The following FBXO22 variants were observed in gnomAD, a reference collection of about 807,000 sequenced individuals.
FBXO22 encodes F-box protein 22.
A neutral mutation model predicts 37.2 loss-of-function variants in FBXO22; 13 were observed. That is an observed-to-expected ratio of 0.35 (90% CI 0.23 to 0.56). The LOEUF is 0.56. Ranked by LOEUF, FBXO22 falls within the 20% of genes least tolerant of loss-of-function variation. The probability of loss-of-function intolerance (pLI) is 0.87; values close to 1 mark genes in which losing one functional copy is unlikely to be tolerated. For missense variants in FBXO22, 446 were observed against 509.9 expected (o/e 0.87, Z 1.21); for synonymous variants, 189 against 189.1 (o/e 1.00, Z 0.00).
Position 75,930,177 on chromosome 15 carries a change from G to A in FBXO22, c.794+128G>A, listed in dbSNP as rs568642581. 1.7e-3 allele frequency: 2,623 copies of A among 1,517,382 alleles called. 65 individuals carry two copies. The South Asian group carries it at 0.032, about 18-fold the overall frequency. The allele number at this position is 1,517,382 out of a possible 1,614,324, so 94.0% of individuals were successfully genotyped here. On this transcript the variant is annotated intron_variant, in intron 6 of 6. Coordinates refer to ENST00000308275, the MANE Select transcript of FBXO22 (RefSeq NM_147188.3). ...TTAAGATAATAGTTCATTCCATTTT[G>A]TAGTAGACATTGGCTAAGGGGCTTA...
At chr15:75,929,857 T>C (rs370309625) in intron 5 of FBXO22, 27 bp from the exon 6 acceptor site, 1 of 1,613,258 alleles carries the variant, frequency 6.2e-7, no homozygotes, top group Admixed American at 1.7e-5. Context: ...AGGCTGTCTT[T>C]AACTGTTGCT....
chr15:75,929,790 G>A lies in FBXO22; in HGVS notation c.629-94G>A. On this transcript the variant is annotated intron_variant, in intron 5 of 6. Coordinates refer to ENST00000308275, the MANE Select transcript of FBXO22 (RefSeq NM_147188.3). Reference sequence around the variant, plus strand: ...TAAGCCACTAAATTGCCCTTAAGGTGGAGTGCAAGTCAGTAACATTTCATT... The same window carrying A: ...TAAGCCACTAAATTGCCCTTAAGGTAGAGTGCAAGTCAGTAACATTTCATT... 4 of 1,452,608 alleles carry A rather than the reference G, an allele frequency of 2.8e-6. No homozygotes were observed. In the South Asian group the frequency reaches 4.9e-5, roughly 18 times the overall value. The allele number at this position is 1,452,608 out of a possible 1,614,324, so 90.0% of individuals were successfully genotyped here. A position where few individuals can be genotyped will look rare whatever the true frequency, so the allele number is the denominator to read the frequency against.
At chr15:75,904,948 C>A (rs1010401390) in intron 2 of FBXO22, among the ~76,000 whole-genome samples, 9 of 152,046 alleles carry the variant, frequency 5.9e-5, no homozygotes, top group African/African-American at 2.2e-4. Context: ...CTCAGCCTCC[C>A]GAGTAGCTGG....
At chr15:75,914,812 A>G (rs1278269109) in intron 4 of FBXO22, among the ~76,000 whole-genome samples, 2 of 152,186 alleles carry the variant, frequency 1.3e-5, no homozygotes, top group Non-Finnish European at 2.9e-5. Context: ...ACTTTGAGCA[A>G]GTTACCTAAC....
chr15:75,915,145 A>G (rs1900154429), intron 4 of FBXO22, among the ~76,000 whole-genome samples: 1 of 151,712 alleles, frequency 6.6e-6, no homozygotes, highest in Non-Finnish European at 1.5e-5. Context: ...TAATTTTTGT[A>G]TTTTTAGTAG....
In FBXO22 at chr15:75,917,174, G is replaced by A. The variant is rs76581427; in HGVS notation, c.464-56G>A. ...AATGATTATCTTAGTGACCTAAACT[G>A]TAGTTATCTAGTTTTTACTGACTCT... On this transcript the variant is annotated intron_variant, in intron 4 of 6. Transcript: ENST00000308275. 4.4e-3 allele frequency: 5,592 copies of A among 1,282,378 alleles called. 172 individuals carry two copies. In the African/African-American group the frequency reaches 0.067, roughly 15 times the overall value. The allele number at this position is 1,282,378 out of a possible 1,614,324, so 79.4% of individuals were successfully genotyped here.
intron 6 of FBXO22, chr15:75,930,850 G>C (rs2029983964): frequency 6.1e-6 from 6 of 984,942 alleles, no homozygotes; most frequent in Non-Finnish European, 7.2e-6. Flanking sequence ...GGTGACATGG[G>C]GACAGACTGT....
intron 5 of FBXO22, among the ~76,000 whole-genome samples, chr15:75,925,505 A>G (rs990125526): frequency 6.6e-6 from 1 of 152,112 alleles, no homozygotes; most frequent in African/African-American, 2.4e-5. Context: ...AGTGTGAAGA[A>G]GAACAAAGTT....
intron 4 of FBXO22, 134 bp from the exon 5 acceptor site, chr15:75,917,096 C>A (rs1338381414): frequency 2.6e-5 from 17 of 649,362 alleles, no homozygotes; most frequent in Admixed American, 9.6e-5. Flanking sequence ...GACACTACAC[C>A]CTAAAACTGT....
chr15:75,929,735 A>G, intron 5 of FBXO22, 149 bp from the exon 6 acceptor site: 2 of 756,268 alleles, frequency 2.6e-6, no homozygotes, highest in Non-Finnish European at 2.1e-6. Context: ...AAAATAAGAT[A>G]AAAAATAAAA....
intron 6 of FBXO22, chr15:75,930,853 C>T (rs547994526): frequency 2.0e-6 from 2 of 984,044 alleles, no homozygotes; most frequent in East Asian, 1.1e-4. Context: ...GACATGGGGA[C>T]AGACTGTTGC....
intron 1 of FBXO22, 81 bp from the exon 2 acceptor site, chr15:75,904,410 C>G: frequency 3.1e-6 from 5 of 1,590,858 alleles, no homozygotes; most frequent in Non-Finnish European, 4.3e-6. Flanking sequence ...TGCTGCTGCG[C>G]CAGCGGGTGG....
chr15:75,910,380 A>G (rs564476087), intron 2 of FBXO22: 1 of 152,170 alleles, frequency 6.6e-6, no homozygotes, highest in African/African-American at 2.4e-5. Flanking sequence ...TTGCACTCCT[A>G]CAAACAGTGT....
chr15:75,925,421 A>C (rs980683004), intron 5 of FBXO22, among the ~76,000 whole-genome samples: 6 of 150,320 alleles, frequency 4.0e-5, no homozygotes, highest in African/African-American at 1.5e-4. Context: ...TGAACCTTTA[A>C]CTACTTGTCT....
intron 6 of FBXO22, chr15:75,930,967 G>A: frequency 1.7e-6 from 1 of 597,028 alleles, no homozygotes; most frequent in Non-Finnish European, 2.1e-6. Flanking sequence ...TGAGGTCCCT[G>A]GACTGCCAGG....
In FBXO22 at chr15:75,939,870, G is replaced by A. The variant is rs1195656271; in HGVS notation, c.*6768G>A. The A allele has an allele frequency of 1.3e-5, 2 of 152,000 alleles. No homozygotes were observed. The highest frequency in any genetic ancestry group is 2.9e-5 in the Non-Finnish European group (2 of 67,968). 9.4% of individuals were successfully genotyped at this position (152,000 alleles called of 1,614,324 possible). A position where few individuals can be genotyped will look rare whatever the true frequency, so the allele number is the denominator to read the frequency against. Reference sequence around the variant, plus strand: ...AACACTCAACAAATGAGGGATAAGAGGAAACTACCTGAACATAATAAAAGC... The same window carrying A: ...AACACTCAACAAATGAGGGATAAGAAGAAACTACCTGAACATAATAAAAGC... On this transcript the variant is annotated 3_prime_UTR_variant, in exon 7 of 7. Coordinates refer to ENST00000308275, the MANE Select transcript of FBXO22 (RefSeq NM_147188.3).
At chr15:75,923,729 A>G (rs1352873889) in intron 5 of FBXO22, among the ~76,000 whole-genome samples, 1 of 152,238 alleles carries the variant, frequency 6.6e-6, no homozygotes, top group Non-Finnish European at 1.5e-5. Flanking sequence ...GTTGAACATG[A>G]TAAATATATG....
intron 5 of FBXO22, among the ~76,000 whole-genome samples, chr15:75,921,830 A>G (rs968146462): frequency 1.3e-5 from 2 of 152,022 alleles, no homozygotes; most frequent in African/African-American, 4.8e-5. Flanking sequence ...GCCTAGGCCT[A>G]TACAGAGTCA....
rs538981483 is a variant in FBXO22 at position 75,938,879 on chromosome 15, A to G, written c.*5777A>G. 3 of 152,308 alleles carry G rather than the reference A, an allele frequency of 2.0e-5. No homozygotes were observed. The highest frequency in any genetic ancestry group is 2.1e-4 in the South Asian group (1 of 4,830). The allele number at this position is 152,308 out of a possible 1,614,324, so 9.4% of individuals were successfully genotyped here. On this transcript the variant is annotated 3_prime_UTR_variant, in exon 7 of 7. Transcript: ENST00000308275. Reference sequence around the variant, plus strand: ...GGAAATTAAACAAAACACTCAACCAATGGGTCAAAGAAGAAATCACAAGGG... The same window carrying G: ...GGAAATTAAACAAAACACTCAACCAGTGGGTCAAAGAAGAAATCACAAGGG...
Sources: gnomAD v4.1 joint callset for allele counts (sites outside exome capture counted in the v4.1 genomes callset) on GRCh38, gnomAD v4.1.1 for gene constraint, MANE v1.5 for transcripts, NCBI Gene and HGNC (gene_info 2026-07-23, HGNC 2026-07-21) for gene names.